The following BZW2 variants were observed in gnomAD, a reference collection of about 807,000 sequenced individuals.
BZW2 encodes the protein eIF5-mimic protein 1.
A neutral mutation model predicts 53.2 loss-of-function variants in BZW2; 23 were observed. The ratio of observed to expected loss-of-function variants is 0.43; its 90% CI spans 0.31 to 0.61. The LOEUF (loss-of-function observed/expected upper bound fraction) is 0.61. Ranked by LOEUF, BZW2 falls within the 20% of genes least tolerant of loss-of-function variation. The pLI, the probability that BZW2 is intolerant of heterozygous loss-of-function variation, is 0.09. For synonymous variants in BZW2, 227 were observed against 186.4 expected, an observed-to-expected ratio of 1.22 and a Z score of -1.77; for missense variants, 409 against 503.1, an observed-to-expected ratio of 0.81 and a Z score of 1.79.
At chr7:16,668,986 A>T (rs1390208416) in intron 2 of BZW2, among the ~76,000 whole-genome samples, 1 of 152,196 alleles carries the variant, frequency 6.6e-6, no homozygotes, top group African/African-American at 2.4e-5. Context: ...TTTAATAATC[A>T]AACTGTTCTT....
chr7:16,685,463 G>T (rs17626550), intron 5 of BZW2, among the ~76,000 whole-genome samples: 10,388 of 148,532 alleles, frequency 0.07, 415 homozygotes, highest in Non-Finnish European at 0.084. Context: ...TGTTTTTGCC[G>T]TACAAATTCT....
chr7:16,660,002 C>T (rs1247938281), intron 1 of BZW2, among the ~76,000 whole-genome samples: 1 of 151,184 alleles, frequency 6.6e-6, no homozygotes, highest in Admixed American at 6.6e-5. Context: ...CCTTCCCCCT[C>T]CCCCACCCCA....
chr7:16,681,863 C>G (rs1019033093), intron 4 of BZW2, among the ~76,000 whole-genome samples: 4 of 151,002 alleles, frequency 2.6e-5, no homozygotes, highest in African/African-American at 9.7e-5. Context: ...GAATATAATG[C>G]TTTTTTTTTA....
chr7:16,688,112 A>G (rs749545174), intron 6 of BZW2, among the ~76,000 whole-genome samples: 1 of 152,184 alleles, frequency 6.6e-6, no homozygotes, highest in Non-Finnish European at 1.5e-5. Context: ...TGATAGACCA[A>G]TTAAATGCTT....
In BZW2 at chr7:16,706,347, T is replaced by C. The variant is rs562402643; in HGVS notation, c.*259T>C. 2.4e-6 allele frequency: 1 copy of C among 412,308 alleles called. No individual in the cohort carries two copies. The highest frequency in any genetic ancestry group is 4.4e-5 in the South Asian group (1 of 22,548). The allele number at this position is 412,308 out of a possible 1,614,324, so 25.5% of individuals were successfully genotyped here. ...TAAAGCCATTCAACAAGGAGTCAAG[T>C]AGATCTGAAATTAAATACTCAACAG... On this transcript the variant is annotated 3_prime_UTR_variant, in exon 12 of 12. Transcript: ENST00000258761.
At chr7:16,665,620 G>C (rs1782400218) in intron 2 of BZW2, 119 bp downstream of exon 2, 2 of 1,495,452 alleles carry the variant, frequency 1.3e-6, no homozygotes, top group African/African-American at 2.8e-5. Context: ...TTTGAGCTCT[G>C]AGTGTAGAAT....
At chr7:16,695,284 A>G (rs1195088226) in intron 8 of BZW2, among the ~76,000 whole-genome samples, 1 of 152,262 alleles carries the variant, frequency 6.6e-6, no homozygotes, top group African/African-American at 2.4e-5. Flanking sequence ...CATCTGTCAA[A>G]GAGATTTGAC....
intron 2 of BZW2, among the ~76,000 whole-genome samples, chr7:16,672,888 G>A (rs942086526): frequency 1.3e-4 from 20 of 150,820 alleles, no homozygotes; most frequent in African/African-American, 5.0e-4. Context: ...ATTTCACTGT[G>A]ACAGCTCATT....
intron 3 of BZW2, among the ~76,000 whole-genome samples, 192 bp from the exon 4 acceptor site, chr7:16,681,109 C>CA (rs1050160532): frequency 3.3e-5 from 5 of 150,902 alleles, no homozygotes; most frequent in Non-Finnish European, 5.9e-5. Flanking sequence ...GACTCCATCT[C>CA]AAAAAAAAGG....
rs369538600 is a variant in BZW2 at position 16,686,026 on chromosome 7, G to A, written c.527G>A (p.Ser176Asn). The change falls in exon 6 of 12, where the codon AGC becomes AAC. Residue 176 changes from serine to asparagine, a missense_variant. By Grantham distance (46) the Ser-to-Asn change is conservative. Coordinates refer to ENST00000258761, the MANE Select transcript of BZW2 (RefSeq NM_014038.3). ...ATILTSLFTD[S>N]LVKEGIAASF... ...ATCCTCACCAGTCTCTTCACCGACA[G>A]CTTAGTCAAAGAAGGTAACGAGGCT... The A allele has an allele frequency of 1.2e-6, 2 of 1,611,862 alleles. No individual in the cohort carries two copies. The highest frequency in any genetic ancestry group is 2.7e-5 in the African/African-American group (2 of 74,886).
At chr7:16,704,339 TATC>T (rs960223236) in intron 10 of BZW2, among the ~76,000 whole-genome samples, 1 of 152,322 alleles carries the variant, frequency 6.6e-6, no homozygotes, top group Admixed American at 6.5e-5. Flanking sequence ...AGAAGATGTA[TATC>T]ATCATCATCA....
chr7:16,647,376 A>G (rs941692666), intron 1 of BZW2, among the ~76,000 whole-genome samples: 4 of 152,214 alleles, frequency 2.6e-5, no homozygotes, highest in African/African-American at 4.8e-5. Context: ...TCATAGCGCC[A>G]TACGAAAAGC....
chr7:16,706,373 A>C lies in BZW2; in HGVS notation c.*285A>C. The stretch of plus-strand genomic sequence containing the variant: ...AGATCTGAAATTAAATACTCAACAG[A>C]CTCCTCCTTTTTTAGCTGTATTTTT... On this transcript the variant is annotated 3_prime_UTR_variant, in exon 12 of 12. Coordinates refer to ENST00000258761, the MANE Select transcript of BZW2 (RefSeq NM_014038.3). 3.0e-6 allele frequency: 1 copy of C among 329,442 alleles called. No homozygotes were observed. The highest frequency in any genetic ancestry group is 5.5e-6 in the Non-Finnish European group (1 of 182,374). 20.4% of individuals were successfully genotyped at this position (329,442 alleles called of 1,614,324 possible).
chr7:16,669,144 T>G (rs1782524515), intron 2 of BZW2, among the ~76,000 whole-genome samples: 3 of 152,220 alleles, frequency 2.0e-5, no homozygotes, highest in African/African-American at 4.8e-5. Flanking sequence ...TTTTTGTTGT[T>G]GGAGACAGTC....
In BZW2 at chr7:16,667,970, G is replaced by C. The variant is rs111384293; in HGVS notation, c.58+2469G>C. On this transcript the variant is annotated intron_variant, in intron 2 of 11. Coordinates refer to ENST00000258761, the MANE Select transcript of BZW2 (RefSeq NM_014038.3). ...TGTCTTATTGTTTAAAGCAGTCTTGGAAAAAAGGACATGGATGATTTTAAA... is the reference window on the plus strand; with the variant it reads ...TGTCTTATTGTTTAAAGCAGTCTTGCAAAAAAGGACATGGATGATTTTAAA... Among the ~76,000 whole-genome samples the C allele has an allele frequency of 1.7e-3, 252 of 152,158 alleles. 1 individual carries two copies. Among genetic ancestry groups the C allele is most frequent in the African/African-American group, 5.9e-3 (244 of 41,532 alleles).
At chr7:16,674,636 TTC>T in intron 3 of BZW2, 48 bp downstream of exon 3, 1 of 1,373,440 alleles carries the variant, frequency 7.3e-7, no homozygotes, top group Non-Finnish European at 9.6e-7. Context: ...ATATTTTTAA[TTC>T]TGTTGAAGTA....
chr7:16,664,577 T>C (rs1434226595), intron 1 of BZW2, among the ~76,000 whole-genome samples: 1 of 152,200 alleles, frequency 6.6e-6, no homozygotes, highest in Non-Finnish European at 1.5e-5. Context: ...GAGATGTGTA[T>C]TGAACATACA....
chr7:16,656,784 A>T (rs1001093923), intron 1 of BZW2, among the ~76,000 whole-genome samples: 2 of 152,196 alleles, frequency 1.3e-5, no homozygotes, highest in African/African-American at 4.8e-5. Context: ...AAATGAAGCT[A>T]AAAGTTATGA....
chr7:16,699,177 C>T (rs997954365), intron 10 of BZW2, among the ~76,000 whole-genome samples: 2 of 152,156 alleles, frequency 1.3e-5, no homozygotes, highest in Non-Finnish European at 2.9e-5. Flanking sequence ...TATTCAGCAA[C>T]AATTATAATA....
Sources: allele counts gnomAD v4.1 joint callset (sites outside exome capture counted in the v4.1 genomes callset), GRCh38; gene constraint gnomAD v4.1.1; transcripts MANE v1.5; gene names NCBI Gene and HGNC (gene_info 2026-07-23, HGNC 2026-07-21).